The following DPF3 variants were observed in gnomAD, a reference collection of about 807,000 sequenced individuals.
The protein encoded by DPF3 is double PHD fingers 3.
In DPF3, 18 loss-of-function variants were observed where a neutral mutation model predicts 56.8. The ratio of observed to expected loss-of-function variants is 0.32; its 90% CI spans 0.22 to 0.47. DPF3 has a LOEUF of 0.47. Ranked by LOEUF, DPF3 falls within the 20% of genes least tolerant of loss-of-function variation. DPF3 has a pLI of 1.00. For missense variants in DPF3, 403 were observed against 488.8 expected (o/e 0.82, Z 1.65); for synonymous variants, 188 against 180.2 (o/e 1.04, Z -0.35).
intron 6 of DPF3, among the ~76,000 whole-genome samples, chr14:72,704,873 C>T (rs1888339383): frequency 6.6e-6 from 1 of 152,184 alleles, no homozygotes; most frequent in South Asian, 2.1e-4. Context: ...CCGTCTATTT[C>T]ACTGCTGCTA....
intron 1 of DPF3, among the ~76,000 whole-genome samples, chr14:72,892,856 C>A (rs1453468695): frequency 6.6e-6 from 1 of 152,176 alleles, no homozygotes; most frequent in Admixed American, 6.5e-5. Flanking sequence ...CCCAATAGCA[C>A]CCCTTTCAGA....
chr14:72,724,569 G>A (rs1298526805), intron 4 of DPF3, among the ~76,000 whole-genome samples: 1 of 152,012 alleles, frequency 6.6e-6, no homozygotes, highest in Non-Finnish European at 1.5e-5. Flanking sequence ...GAAGGAAGGA[G>A]GTAGGATGTG....
chr14:72,750,623 T>C (rs994507710), intron 3 of DPF3, among the ~76,000 whole-genome samples: 4 of 152,052 alleles, frequency 2.6e-5, no homozygotes, highest in Non-Finnish European at 5.9e-5. Flanking sequence ...ATTATGTAAT[T>C]ACAAAAACGA....
chr14:72,846,539 T>C (rs61986329), intron 1 of DPF3, among the ~76,000 whole-genome samples: 6,314 of 151,934 alleles, frequency 0.042, 193 homozygotes, highest in Non-Finnish European at 0.068. Flanking sequence ...GGTTTCACCA[T>C]GTTAGCCAGG....
intron 8 of DPF3, among the ~76,000 whole-genome samples, 169 bp from the exon 9 acceptor site, chr14:72,629,905 C>T (rs1203304698): frequency 2.0e-5 from 3 of 152,166 alleles, no homozygotes; most frequent in African/African-American, 7.2e-5. Flanking sequence ...CTTCACCACC[C>T]AGTTATTCAG....
At chr14:72,679,633 G>A (rs946222026) in intron 7 of DPF3, among the ~76,000 whole-genome samples, 6 of 152,346 alleles carry the variant, frequency 3.9e-5, no homozygotes, top group South Asian at 4.1e-4. Context: ...GACAGTTCCC[G>A]TGTCCCTCTA....
chr14:72,640,215 G>T (rs1341568855), intron 8 of DPF3, among the ~76,000 whole-genome samples: 1 of 152,116 alleles, frequency 6.6e-6, no homozygotes, highest in African/African-American at 2.4e-5. Context: ...TATGAGGAAA[G>T]ATTATGAAGA....
At chr14:72,784,193 GA>G (rs1192132399) in intron 1 of DPF3, among the ~76,000 whole-genome samples, 2 of 152,086 alleles carry the variant, frequency 1.3e-5, no homozygotes, top group Non-Finnish European at 2.9e-5. Flanking sequence ...AGCCTCCTAG[GA>G]AAACTGTCTC....
intron 3 of DPF3, among the ~76,000 whole-genome samples, chr14:72,741,336 G>A (rs1167076074): frequency 3.9e-5 from 6 of 152,244 alleles, no homozygotes; most frequent in Non-Finnish European, 7.3e-5. Context: ...ACTGAGGCAG[G>A]AGTGGTTAGG....
At chr14:72,745,765 C>T (rs1440378074) in intron 3 of DPF3, among the ~76,000 whole-genome samples, 5 of 152,168 alleles carry the variant, frequency 3.3e-5, no homozygotes, top group Non-Finnish European at 7.3e-5. Flanking sequence ...TGGCCAATGA[C>T]TCTATCCTGA....
chr14:72,701,391 G>T (rs2332910), intron 6 of DPF3, among the ~76,000 whole-genome samples: 1 of 152,234 alleles, frequency 6.6e-6, no homozygotes, highest in African/African-American at 2.4e-5. Flanking sequence ...ATCTGTCAAG[G>T]TGCAGAAGGA....
At chr14:72,682,216 A>AG (rs1887194618) in intron 7 of DPF3, among the ~76,000 whole-genome samples, 1 of 145,546 alleles carries the variant, frequency 6.9e-6, no homozygotes, top group Non-Finnish European at 1.5e-5. Flanking sequence ...CTCTGTCTCA[A>AG]GAAAAAAAAA....
chr14:72,825,759 G>C (rs1029389399), intron 1 of DPF3, among the ~76,000 whole-genome samples: 1 of 140,926 alleles, frequency 7.1e-6, no homozygotes, highest in Non-Finnish European at 1.5e-5. Context: ...TATCACAGGA[G>C]ATGGCAGTTA....
chr14:72,890,092 A>G (rs1447985829), intron 1 of DPF3, among the ~76,000 whole-genome samples: 2 of 152,232 alleles, frequency 1.3e-5, no homozygotes, highest in African/African-American at 4.8e-5. Context: ...ATGCATACCA[A>G]CCAGGATTTT....
chr14:72,875,496 T>C (rs372087804), intron 1 of DPF3, among the ~76,000 whole-genome samples: 29 of 152,258 alleles, frequency 1.9e-4, no homozygotes, highest in Non-Finnish European at 3.5e-4. Flanking sequence ...AGACAAAAAC[T>C]ATTAGTCCTA....
intron 8 of DPF3, among the ~76,000 whole-genome samples, chr14:72,647,137 A>G (rs1318662218): frequency 2.0e-5 from 3 of 152,190 alleles, no homozygotes; most frequent in Non-Finnish European, 4.4e-5. Context: ...TCCTTCTTCT[A>G]TTATGAGGAT....
In DPF3 at chr14:72,654,186, T is replaced by C. The variant is rs1373674949; in HGVS notation, c.871+20054A>G. 7.9e-5 allele frequency among the ~76,000 whole-genome samples: 12 copies of C among 151,854 alleles called. 1 individual carries two copies. The highest frequency in any genetic ancestry group is 1.5e-4 in the Non-Finnish European group (10 of 67,968). On this transcript the variant is annotated intron_variant, in intron 8 of 10. Transcript: ENST00000556509. Reference sequence around the variant, plus strand: ...TGGACGCTCGTAACATACCTGTGACTCCCCCCAGCAGCCTGGGATCTTCCT... The same window carrying C: ...TGGACGCTCGTAACATACCTGTGACCCCCCCCAGCAGCCTGGGATCTTCCT...
At chr14:72,784,956 T>C (rs1232633134) in intron 1 of DPF3, among the ~76,000 whole-genome samples, 1 of 143,702 alleles carries the variant, frequency 7.0e-6, no homozygotes, top group Non-Finnish European at 1.5e-5. Flanking sequence ...AAACACCGCC[T>C]CAAAAAAAAA....
At chr14:72,662,539 CACAG>C (rs1288851505) in intron 8 of DPF3, 2 of 984,880 alleles carry the variant, frequency 2.0e-6, no homozygotes, top group East Asian at 1.1e-4. Context: ...GGTACTTTCT[CACAG>C]ACAATCAAAG....
Sources: allele counts gnomAD v4.1 joint callset (sites outside exome capture counted in the v4.1 genomes callset), GRCh38; gene constraint gnomAD v4.1.1; transcripts MANE v1.5; gene names NCBI Gene and HGNC (gene_info 2026-07-23, HGNC 2026-07-21).